Variants in SBNO2 observed in about 807,000 individuals in gnomAD.
SBNO2 encodes the protein protein strawberry notch homolog 2.
A neutral mutation model predicts 146.3 loss-of-function variants in SBNO2; 89 were observed. That is an observed-to-expected ratio of 0.61 (90% CI 0.51 to 0.73). The LOEUF is 0.73. SBNO2 is among the 30% of genes least tolerant of loss of function. The probability of loss-of-function intolerance (pLI) is 0.00; values close to 1 mark genes in which losing one functional copy is unlikely to be tolerated. For missense variants in SBNO2, 2,092 were observed against 2,003.7 expected, an observed-to-expected ratio of 1.04 and a Z score of -0.84; for synonymous variants, 1,147 against 892.6, an observed-to-expected ratio of 1.29 and a Z score of -5.08.
At chr19:1,119,681 GGAC>G (rs2079876659) in intron 12 of SBNO2, 60 bp from the exon 13 acceptor site, 1 of 1,427,980 alleles carries the variant, frequency 7.0e-7, no homozygotes, top group Non-Finnish European at 9.7e-7. Flanking sequence ...CCGCGTCAGG[GGAC>G]GACTAAGTTG....
At position 1,120,185 on chromosome 19, in the gene SBNO2, T is replaced by TG. The variant is rs1555720731; in HGVS notation, c.1150-163dup. The TG allele has an allele frequency of 1.0e-5, 6 of 577,788 alleles. No individual in the cohort carries two copies. In the South Asian group the frequency reaches 1.2e-4, roughly 11 times the overall value. The allele number at this position is 577,788 out of a possible 1,614,324, so 35.8% of individuals were successfully genotyped here. A position where few individuals can be genotyped will look rare whatever the true frequency, so the allele number is the denominator to read the frequency against. ...AGGTCGGAGTGGCAGCCGGCTACCA[T>TG]GGGGGGCGGGCGGGCAGGCGGCCCC... is the stretch of plus-strand genomic sequence containing the variant. On this transcript the variant is annotated intron_variant, in intron 11 of 31. Transcript: ENST00000361757.
At chr19:1,172,384 C>A (rs2080486495) in intron 1 of SBNO2, among the ~76,000 whole-genome samples, 1 of 152,192 alleles carries the variant, frequency 6.6e-6, no homozygotes, top group Non-Finnish European at 1.5e-5. Context: ...AGCCATCACC[C>A]CACGACCAGG....
At chr19:1,130,337 G>C (rs1445375384) in intron 4 of SBNO2, among the ~76,000 whole-genome samples, 2 of 152,140 alleles carry the variant, frequency 1.3e-5, no homozygotes, top group African/African-American at 4.8e-5. Context: ...AAAACAGTTT[G>C]AAAAGTTAAA....
rs1481557227 is a variant in SBNO2 at position 1,158,738 on chromosome 19, C to A, written c.-126-4336G>T. Reference sequence around the variant, plus strand: ...CGAGGTTCTCCGGGCAGGCACAAGGCGCTCCCTGCGTCCCAGGACCTGAAG... The same window carrying A: ...CGAGGTTCTCCGGGCAGGCACAAGGAGCTCCCTGCGTCCCAGGACCTGAAG... On this transcript the variant is annotated intron_variant, in intron 1 of 31. Coordinates refer to ENST00000361757, the MANE Select transcript of SBNO2 (RefSeq NM_014963.3). This position sits in a 1 kb window ranked among gnomAD's most constrained non-coding sequence, Gnocchi z 9.9. Among the ~76,000 whole-genome samples, 1 of 152,166 alleles carries A rather than the reference C, an allele frequency of 6.6e-6. No individual in the cohort carries two copies.
At chr19:1,116,984 C>T (rs2079840366) in intron 15 of SBNO2, 58 bp from the exon 16 acceptor site, 1 of 1,454,162 alleles carries the variant, frequency 6.9e-7, no homozygotes. Context: ...TCTGTGGGGC[C>T]AGAACCTGCC....
intron 4 of SBNO2, among the ~76,000 whole-genome samples, chr19:1,145,595 G>A (rs2080182575): frequency 1.3e-5 from 2 of 152,160 alleles, no homozygotes; most frequent in Non-Finnish European, 2.9e-5. Flanking sequence ...GCTGGGGCTG[G>A]TAGGAAGGCA....
At chr19:1,151,323 G>T (rs963919137) in intron 2 of SBNO2, among the ~76,000 whole-genome samples, 2 of 152,222 alleles carry the variant, frequency 1.3e-5, no homozygotes, top group African/African-American at 4.8e-5. Context: ...GGGGTCGCAG[G>T]GCGGGAGGAT....
intron 1 of SBNO2, among the ~76,000 whole-genome samples, chr19:1,169,565 C>G (rs1331457308): frequency 1.3e-5 from 2 of 152,208 alleles, no homozygotes; most frequent in African/African-American, 2.4e-5. Context: ...AGGGGCAGAG[C>G]TGGGCCTGGG....
rs992842582 is a variant in SBNO2 at position 1,154,173 on chromosome 19, G to A, written c.93+11C>T. 2 of 1,202,104 alleles carry A rather than the reference G, an allele frequency of 1.7e-6. No homozygotes were observed. Among genetic ancestry groups the A allele is most frequent in the Middle Eastern group, 3.2e-4 (1 of 3,156 alleles). 74.5% of individuals were successfully genotyped at this position (1,202,104 alleles called of 1,614,324 possible). A position where few individuals can be genotyped will look rare whatever the true frequency, so the allele number is the denominator to read the frequency against. On this transcript the variant is annotated intron_variant, in intron 2 of 31. Transcript: ENST00000361757. ...CCCGTCGGGTGGGCCGGGGCCGGGG[G>A]TGGGGCTCACCTGCAGGGGCGGCGG... is the stretch of plus-strand genomic sequence containing the variant.
At position 1,113,716 on chromosome 19, in the gene SBNO2, G is replaced by A. The variant is rs753688845; in HGVS notation, c.2078-12C>T. 1.9e-4 allele frequency: 290 copies of A among 1,524,714 alleles called. 1 individual carries two copies. Among genetic ancestry groups the A allele is most frequent in the Non-Finnish European group, 2.4e-4 (277 of 1,138,076 alleles). The allele number at this position is 1,524,714 out of a possible 1,614,324, so 94.4% of individuals were successfully genotyped here. A position where few individuals can be genotyped will look rare whatever the true frequency, so the allele number is the denominator to read the frequency against. ...GAGGCACAGGGGTCCTAGGGAGGAGGTGGAGGGTCAGGGCAGGACATGTTG... is the reference window on the plus strand; with the variant it reads ...GAGGCACAGGGGTCCTAGGGAGGAGATGGAGGGTCAGGGCAGGACATGTTG... On this transcript the variant is annotated splice_polypyrimidine_tract_variant and intron_variant, in intron 18 of 31. Transcript: ENST00000361757.
At chr19:1,154,685 A>T (rs1315616548) in intron 1 of SBNO2, among the ~76,000 whole-genome samples, 3 of 152,186 alleles carry the variant, frequency 2.0e-5, no homozygotes, top group African/African-American at 7.2e-5. Context: ...GTCACAGGGC[A>T]GCCGTAGGAC....
intron 10 of SBNO2, 41 bp from the exon 11 acceptor site, chr19:1,122,323 C>T (rs2079910696): frequency 2.6e-6 from 4 of 1,529,538 alleles, no homozygotes; most frequent in Non-Finnish European, 3.5e-6. Flanking sequence ...GGCCCCGGCT[C>T]AGCAGGCTCT....
Position 1,111,101 on chromosome 19 carries a change from G to A in SBNO2, c.2810-8C>T, listed in dbSNP as rs1343307492. 3 of 1,545,544 alleles carry A rather than the reference G, an allele frequency of 1.9e-6. No individual in the cohort carries two copies. Among genetic ancestry groups the A allele is most frequent in the Admixed American group, 2.0e-5 (1 of 51,144 alleles). ...GCAGGCCCTGCTTCATGTCTGCGGG[G>A]AGAGGGGCCTCACATGCTGGTCTTC... is the stretch of plus-strand genomic sequence containing the variant. On this transcript the variant is annotated splice_polypyrimidine_tract_variant and splice_region_variant and intron_variant, in intron 24 of 31. Transcript: ENST00000361757.
chr19:1,119,813 G>T, intron 12 of SBNO2, 93 bp downstream of exon 12: 2 of 1,060,762 alleles, frequency 1.9e-6, no homozygotes, highest in Non-Finnish European at 2.8e-6. Context: ...TGCAGACGGA[G>T]GCTGAGTACG....
chr19:1,119,484 C>T lies in SBNO2; in HGVS notation c.1373+32G>A, dbSNP rs372472648. 16 of 1,414,398 alleles carry T rather than the reference C, an allele frequency of 1.1e-5. No homozygotes were observed. The African/African-American group carries it at 1.4e-4, about 12-fold the overall frequency. 87.6% of individuals were successfully genotyped at this position (1,414,398 alleles called of 1,614,324 possible). A position where few individuals can be genotyped will look rare whatever the true frequency, so the allele number is the denominator to read the frequency against. On this transcript the variant is annotated intron_variant, in intron 13 of 31. Transcript: ENST00000361757. ...CTGAGGCCTCCTCCCCACCCCCCGC[C>T]GCCCCTCCACGTGGGTGAGAAGGGC...
rs1372394870 is a variant in SBNO2, at chr19:1,112,434, G to T, written c.2483C>A (p.Pro828Gln). Residue 828 changes from proline (P) to glutamine (Q), a missense_variant, in exon 21 of 32, where the codon CCG (proline) becomes CAG (glutamine). By Grantham distance (76) the Pro-to-Gln change is moderately conservative. Transcript: ENST00000361757. The surrounding 1 kb of genome is among the most constrained non-coding windows in gnomAD (Gnocchi z 5.9). ...CTGGATGGCGCGGTCGGCGCTCCAC[G>T]GCAGCTCCAAGGTCATGTGCACGCG... is the stretch of plus-strand genomic sequence containing the variant. ...RRRVHMTLEL[P>Q]WSADRAIQQF... 1.9e-6 allele frequency: 3 copies of T among 1,606,728 alleles called. No homozygotes were observed. The highest frequency in any genetic ancestry group is 1.7e-6 in the Non-Finnish European group (2 of 1,178,578).
In SBNO2 at chr19:1,172,787, G is replaced by A. The variant is rs56237932; in HGVS notation, c.-127+1385C>T. On this transcript the variant is annotated intron_variant, in intron 1 of 31. Coordinates refer to ENST00000361757, the MANE Select transcript of SBNO2 (RefSeq NM_014963.3). ...AACACTCACTGCAACCGCCCCCCCC[G>A]CCCCGGCAAACTGGCAGCCAGCATC... Among the ~76,000 whole-genome samples, 15 of 46,266 alleles carry A rather than the reference G, an allele frequency of 3.2e-4. 4 individuals carry two copies. Among genetic ancestry groups the A allele is most frequent in the African/African-American group, 1.9e-3 (12 of 6,216 alleles). The allele number at this position is 46,266 out of a possible 152,430, so 30.4% of individuals were successfully genotyped here.
In SBNO2 at chr19:1,112,575, A is replaced by T; in HGVS notation, c.2380-38T>A. Reference sequence around the variant, plus strand: ...AAGGGGCCGGGACACGGTTGGTGCAAGGCCCGCCCCAGCGTTGCCGCCACC... The same window carrying T: ...AAGGGGCCGGGACACGGTTGGTGCATGGCCCGCCCCAGCGTTGCCGCCACC... On this transcript the variant is annotated intron_variant, in intron 20 of 31. Transcript: ENST00000361757. The surrounding 1 kb of genome is among the most constrained non-coding windows in gnomAD (Gnocchi z 5.9). The T allele has an allele frequency of 6.4e-7, 1 of 1,559,498 alleles. No individual in the cohort carries two copies.
At position 1,126,759 on chromosome 19, in the gene SBNO2, G is replaced by A. The variant is rs1017271459; in HGVS notation, c.441+845C>T. ...CCTCACCGGAAGGCGCTCAGTCCCA[G>A]AGACATGTCCAACGTCTGCTCCCAA... is the stretch of plus-strand genomic sequence containing the variant. On this transcript the variant is annotated intron_variant, in intron 5 of 31. Transcript: ENST00000361757. The surrounding 1 kb of genome is among the most constrained non-coding windows in gnomAD (Gnocchi z 4.4). Among the ~76,000 whole-genome samples the A allele has an allele frequency of 6.6e-6, 1 of 152,222 alleles. No homozygotes were observed. Among genetic ancestry groups the A allele is most frequent in the African/African-American group, 2.4e-5 (1 of 41,468 alleles).
Sources: gnomAD v4.1 joint callset for allele counts (sites outside exome capture counted in the v4.1 genomes callset) on GRCh38, gnomAD v4.1.1 for gene constraint, Gnocchi (gnomAD v3.1) non-coding constraint, MANE v1.5 for transcripts, NCBI Gene and HGNC (gene_info 2026-07-23, HGNC 2026-07-21) for gene names.